RPS6KC1: variants seen among roughly 807,000 people sequenced by gnomAD.
The protein encoded by RPS6KC1 is ribosomal protein S6 kinase C1, also known as inactive ribosomal protein S6 kinase delta-1.
Under a neutral mutation model 103.8 loss-of-function variants are expected in RPS6KC1, and 54 were observed. The observed-to-expected ratio is 0.52, with a 90% CI of 0.42 to 0.65. The LOEUF is 0.65. Ranked by LOEUF, RPS6KC1 falls within the 30% of genes least tolerant of loss-of-function variation. The pLI is 0.00. For synonymous variants in RPS6KC1, 439 were observed against 438.7 expected (o/e 1.00, Z -0.01); for missense variants, 1,151 against 1,253.8 (o/e 0.92, Z 1.24).
chr1:213,228,039 C>G (rs1375202040), intron 8 of RPS6KC1, among the ~76,000 whole-genome samples: 1 of 152,100 alleles, frequency 6.6e-6, no homozygotes, highest in South Asian at 2.1e-4. Flanking sequence ...TTACAGCATG[C>G]CCATAAAGAG....
the RPS6KC1 span, among the ~76,000 whole-genome samples, chr1:213,711,924 A>C: frequency 1.3e-5 from 2 of 152,158 alleles, no homozygotes; most frequent in African/African-American, 4.8e-5. Flanking sequence ...TGCCAGCCAG[A>C]GCTGTCCTGT....
At chr1:213,733,741 C>T in the RPS6KC1 span, among the ~76,000 whole-genome samples, 1 of 152,090 alleles carries the variant, frequency 6.6e-6, no homozygotes, top group Non-Finnish European at 1.5e-5. Flanking sequence ...TTCATTGAAG[C>T]CATTCTGCAT....
the RPS6KC1 span, among the ~76,000 whole-genome samples, chr1:213,543,830 A>G: frequency 6.6e-6 from 1 of 152,184 alleles, no homozygotes; most frequent in Non-Finnish European, 1.5e-5. Context: ...TCTTGCAGAC[A>G]TAGAGTGTAG....
At chr1:213,859,809 T>G in the RPS6KC1 span, among the ~76,000 whole-genome samples, 4 of 152,196 alleles carry the variant, frequency 2.6e-5, no homozygotes, top group African/African-American at 9.6e-5. Flanking sequence ...GTAACACTGC[T>G]TTTGCCCATT....
intron 1 of RPS6KC1, among the ~76,000 whole-genome samples, chr1:213,070,406 T>C (rs1320185098): frequency 1.3e-5 from 2 of 152,222 alleles, no homozygotes. Context: ...TACTTTTAGC[T>C]GTTTTTTTGC....
At chr1:213,176,286 C>T (rs2091862422) in intron 7 of RPS6KC1, 114 bp from the exon 8 acceptor site, 1 of 530,200 alleles carries the variant, frequency 1.9e-6, no homozygotes, top group Non-Finnish European at 3.3e-6. Flanking sequence ...TTCATCTTTC[C>T]ATTCTCTGAT....
chr1:213,823,256 T>A, the RPS6KC1 span, among the ~76,000 whole-genome samples: 2 of 152,218 alleles, frequency 1.3e-5, no homozygotes, highest in Non-Finnish European at 2.9e-5. Flanking sequence ...GATCACATGA[T>A]AGTATATGAT....
chr1:213,641,333 T>C, the RPS6KC1 span, among the ~76,000 whole-genome samples: 1 of 152,176 alleles, frequency 6.6e-6, no homozygotes, highest in East Asian at 1.9e-4. Context: ...TGGATTGTAT[T>C]TGTAGTATTT....
At chr1:213,442,197 C>T in the RPS6KC1 span, among the ~76,000 whole-genome samples, 2 of 152,204 alleles carry the variant, frequency 1.3e-5, no homozygotes, top group Non-Finnish European at 2.9e-5. Flanking sequence ...CTGATTCCTA[C>T]GAGTGCCTCT....
At chr1:213,651,140 A>T in the RPS6KC1 span, among the ~76,000 whole-genome samples, 2 of 152,100 alleles carry the variant, frequency 1.3e-5, no homozygotes, top group Non-Finnish European at 2.9e-5. Flanking sequence ...TATTTACTTA[A>T]GACCTTTCAA....
the RPS6KC1 span, among the ~76,000 whole-genome samples, chr1:213,783,793 C>A: frequency 8.8e-5 from 3 of 33,960 alleles, no homozygotes; most frequent in Admixed American, 5.2e-4. Context: ...ACAGGACCGT[C>A]AAATGAAAAG....
chr1:213,265,371 T>C (rs1431853107), intron 14 of RPS6KC1, among the ~76,000 whole-genome samples: 1 of 152,240 alleles, frequency 6.6e-6, no homozygotes, highest in Non-Finnish European at 1.5e-5. Context: ...CTTTAGAATT[T>C]CACATTTAAA....
intron 3 of RPS6KC1, among the ~76,000 whole-genome samples, chr1:213,088,926 G>A (rs2080704726): frequency 6.6e-6 from 1 of 152,060 alleles, no homozygotes; most frequent in Non-Finnish European, 1.5e-5. Context: ...TGAGATTTGG[G>A]GACAAGATAC....
chr1:213,622,349 C>T, the RPS6KC1 span, among the ~76,000 whole-genome samples: 9 of 151,530 alleles, frequency 5.9e-5, no homozygotes, highest in Admixed American at 5.9e-4. Flanking sequence ...CTATCAGGGG[C>T]ATTTATCCCT....
At chr1:213,218,159 A>G (rs2093720514) in intron 8 of RPS6KC1, among the ~76,000 whole-genome samples, 1 of 152,206 alleles carries the variant, frequency 6.6e-6, no homozygotes, top group East Asian at 1.9e-4. Flanking sequence ...TTAAACTGAT[A>G]AGCAACTTCA....
At chr1:213,549,059 T>C in the RPS6KC1 span, among the ~76,000 whole-genome samples, 1 of 152,196 alleles carries the variant, frequency 6.6e-6, no homozygotes. Flanking sequence ...AATACATGCT[T>C]CTGGTGGCTC....
At chr1:213,052,938 A>C (rs1259058562) in intron 1 of RPS6KC1, among the ~76,000 whole-genome samples, 1 of 152,186 alleles carries the variant, frequency 6.6e-6, no homozygotes, top group Non-Finnish European at 1.5e-5. Flanking sequence ...TGTGAGAAGG[A>C]GGGATAGATG....
the RPS6KC1 span, among the ~76,000 whole-genome samples, chr1:213,280,779 A>G: frequency 6.6e-6 from 1 of 152,212 alleles, no homozygotes; most frequent in Non-Finnish European, 1.5e-5. Flanking sequence ...TTAATAAAGT[A>G]TATTTTGACC....
the RPS6KC1 span, among the ~76,000 whole-genome samples, chr1:213,700,205 C>T: frequency 6.6e-6 from 1 of 151,754 alleles, no homozygotes; most frequent in African/African-American, 2.4e-5. Context: ...GTCATTCGTT[C>T]ATTTTTTATT....
Sources: allele counts gnomAD v4.1 joint callset (sites outside exome capture counted in the v4.1 genomes callset), GRCh38; gene constraint gnomAD v4.1.1; transcripts MANE v1.5; gene names NCBI Gene and HGNC (gene_info 2026-07-23, HGNC 2026-07-21).